The following ZNF423 variants were observed in gnomAD, a reference collection of about 807,000 sequenced individuals.
The protein encoded by ZNF423 is zinc finger protein 423.
Under a neutral mutation model 95.8 loss-of-function variants are expected in ZNF423, and 12 were observed. That is an observed-to-expected ratio of 0.13 (90% confidence interval 0.08 to 0.20). ZNF423 has a LOEUF of 0.20. Among genes scored for constraint, ZNF423 ranks in the 10% least tolerant of loss-of-function variants. The pLI is 1.00. For synonymous variants in ZNF423, 749 were observed against 711.9 expected (o/e 1.05, Z -0.83); for missense variants, 1,316 against 1,737.1 (o/e 0.76, Z 4.31).
chr16:49,796,058 G>A (rs1443598641), intron 1 of ZNF423, among the ~76,000 whole-genome samples: 1 of 152,142 alleles, frequency 6.6e-6, no homozygotes, highest in African/African-American at 2.4e-5. Context: ...CTCTGCCAGG[G>A]CTTCAGGCAG....
intron 2 of ZNF423, among the ~76,000 whole-genome samples, chr16:49,769,986 C>T (rs946654492): frequency 6.6e-6 from 1 of 152,136 alleles, no homozygotes; most frequent in African/African-American, 2.4e-5. Context: ...CCTCCCACCA[C>T]TCTATCTATC....
intron 5 of ZNF423, among the ~76,000 whole-genome samples, chr16:49,591,415 C>A (rs1199515844): frequency 6.6e-6 from 1 of 151,918 alleles, no homozygotes; most frequent in African/African-American, 2.4e-5. Flanking sequence ...CTACTGAAAA[C>A]TAAACATAAA....
chr16:49,814,779 T>C (rs1194553770), intron 1 of ZNF423, among the ~76,000 whole-genome samples: 1 of 150,624 alleles, frequency 6.6e-6, no homozygotes, highest in Admixed American at 6.7e-5. Context: ...CCCAGGAGCA[T>C]GACCCAAAAC....
chr16:49,662,163 A>G (rs2030269955), intron 3 of ZNF423, among the ~76,000 whole-genome samples: 1 of 152,104 alleles, frequency 6.6e-6, no homozygotes, highest in Non-Finnish European at 1.5e-5. Flanking sequence ...TCCTTATGTC[A>G]TTCCTGCCAA....
chr16:49,642,284 A>C (rs1159941551), intron 3 of ZNF423, among the ~76,000 whole-genome samples: 2 of 152,160 alleles, frequency 1.3e-5, no homozygotes, highest in African/African-American at 4.8e-5. Context: ...CAGATGCCCC[A>C]TTTAGTGTCT....
At chr16:49,707,460 T>TA (rs555717841) in intron 3 of ZNF423, among the ~76,000 whole-genome samples, 172 of 151,590 alleles carry the variant, frequency 1.1e-3, no homozygotes, top group African/African-American at 3.7e-3. Context: ...ATAAAAATGT[T>TA]AAAAAAAATA....
chr16:49,654,205 C>A (rs868089673), intron 3 of ZNF423, among the ~76,000 whole-genome samples: 1 of 152,220 alleles, frequency 6.6e-6, no homozygotes, highest in Non-Finnish European at 1.5e-5. Flanking sequence ...CATGCCTCAC[C>A]TGCTCCAGCT....
rs1293867244 is a variant in ZNF423 at position 49,488,470 on chromosome 16, A to G, written c.*2805T>C. 1 of 152,202 alleles carries G rather than the reference A, an allele frequency of 6.6e-6. No individual in the cohort carries two copies. The highest frequency in any genetic ancestry group is 2.4e-5 in the African/African-American group (1 of 41,450). 9.4% of individuals were successfully genotyped at this position (152,202 alleles called of 1,614,324 possible). A position where few individuals can be genotyped will look rare whatever the true frequency, so the allele number is the denominator to read the frequency against. On this transcript the variant is annotated 3_prime_UTR_variant, in exon 8 of 8. Coordinates refer to ENST00000563137, the MANE Select transcript of ZNF423 (RefSeq NM_001379286.1). The stretch of plus-strand genomic sequence containing the variant: ...GTACATCTAAATACAGCAGCAATGA[A>G]CCTTAGGCTTTCAGTCACCTCGCCC...
At chr16:49,720,519 C>G (rs185648031) in intron 3 of ZNF423, among the ~76,000 whole-genome samples, 3 of 152,318 alleles carry the variant, frequency 2.0e-5, no homozygotes, top group African/African-American at 4.8e-5. Context: ...CACTAAGGAG[C>G]CTGGTCCAGT....
intron 3 of ZNF423, among the ~76,000 whole-genome samples, chr16:49,712,313 C>A (rs545423800): frequency 6.6e-6 from 1 of 152,194 alleles, no homozygotes; most frequent in South Asian, 2.1e-4. Context: ...GTGGGGCTCG[C>A]GTGCCTGAGC....
At chr16:49,545,764 G>A (rs1233474508) in intron 5 of ZNF423, among the ~76,000 whole-genome samples, 1 of 152,184 alleles carries the variant, frequency 6.6e-6, no homozygotes, top group Non-Finnish European at 1.5e-5. Context: ...TGGGCTCGCT[G>A]AGTTAATAAA....
At position 49,492,702 on chromosome 16, in the gene ZNF423, C is replaced by T. The variant is rs1297053361; in HGVS notation, c.3850-1398G>A. On this transcript the variant is annotated intron_variant, in intron 7 of 7. Coordinates refer to ENST00000563137, the MANE Select transcript of ZNF423 (RefSeq NM_001379286.1). This position sits in a 1 kb window ranked among gnomAD's most constrained non-coding sequence, Gnocchi z 4.2. ...CTCGTGCTCATGCGGGCGGAGCAGG[C>T]GCACGGCCGGGGCTTGGTGGGCATG... Among the ~76,000 whole-genome samples, 2 of 152,216 alleles carry T rather than the reference C, an allele frequency of 1.3e-5. No individual in the cohort carries two copies. Among genetic ancestry groups the T allele is most frequent in the Non-Finnish European group, 2.9e-5 (2 of 68,020 alleles).
intron 5 of ZNF423, among the ~76,000 whole-genome samples, chr16:49,606,051 G>A (rs181748310): frequency 3.3e-4 from 51 of 152,304 alleles, no homozygotes; most frequent in African/African-American, 1.2e-3. Context: ...TCACAGCCGC[G>A]TGCACCTGCA....
At chr16:49,832,764 T>C (rs2035074500) in intron 1 of ZNF423, among the ~76,000 whole-genome samples, 1 of 152,030 alleles carries the variant, frequency 6.6e-6, no homozygotes, top group Admixed American at 6.5e-5. Flanking sequence ...AGCCAAGGTC[T>C]GGACTGTGAT....
At chr16:49,695,120 T>C (rs1355948562) in intron 3 of ZNF423, among the ~76,000 whole-genome samples, 1 of 152,176 alleles carries the variant, frequency 6.6e-6, no homozygotes, top group African/African-American at 2.4e-5. Context: ...GTTTTGGTTT[T>C]TGTTTTTGTT....
At chr16:49,850,547 G>A (rs2144123636) in intron 1 of ZNF423, among the ~76,000 whole-genome samples, 1 of 152,326 alleles carries the variant, frequency 6.6e-6, no homozygotes, top group Middle Eastern at 3.4e-3. Context: ...AAGACATGAA[G>A]ATAATACCCT....
intron 3 of ZNF423, among the ~76,000 whole-genome samples, chr16:49,705,920 T>C (rs527927524): frequency 1.8e-4 from 27 of 152,258 alleles, no homozygotes; most frequent in Admixed American, 1.3e-3. Flanking sequence ...GTCCAAGTGC[T>C]CCATTGCTTC....
chr16:49,568,708 G>A (rs1213612059), intron 5 of ZNF423, among the ~76,000 whole-genome samples: 1 of 152,042 alleles, frequency 6.6e-6, no homozygotes, highest in East Asian at 1.9e-4. Context: ...TCCAGTGAGG[G>A]CTCCCCAATC....
chr16:49,519,060 T>A (rs980927265), intron 7 of ZNF423, among the ~76,000 whole-genome samples: 2 of 152,158 alleles, frequency 1.3e-5, no homozygotes, highest in African/African-American at 4.8e-5. Context: ...CCAGACCCTG[T>A]CACTTAAAAA....
Sources: allele counts gnomAD v4.1 joint callset (sites outside exome capture counted in the v4.1 genomes callset), GRCh38; gene constraint gnomAD v4.1.1; non-coding constraint Gnocchi (gnomAD v3.1); transcripts MANE v1.5; gene names NCBI Gene and HGNC (gene_info 2026-07-23, HGNC 2026-07-21).